The following CSMD1 variants were observed in gnomAD, a reference collection of about 807,000 sequenced individuals.
The protein encoded by CSMD1 is CUB and sushi domain-containing protein 1.
A neutral mutation model predicts 417.5 loss-of-function variants in CSMD1; 213 were observed. That is an observed-to-expected ratio of 0.51 (90% CI 0.46 to 0.57). The LOEUF (loss-of-function observed/expected upper bound fraction) is 0.57. Among genes scored for constraint, CSMD1 ranks in the 20% least tolerant of loss-of-function variants. The probability of loss-of-function intolerance (pLI) is 0.00; values close to 1 mark genes in which losing one functional copy is unlikely to be tolerated. For missense variants in CSMD1, 6,923 were observed against 4,529.7 expected, an observed-to-expected ratio of 1.53 and a Z score of -15.17; for synonymous variants, 2,862 against 1,736.8, an observed-to-expected ratio of 1.65 and a Z score of -16.11.
At position 4,629,705 on chromosome 8, in the gene CSMD1, T is replaced by A. The variant is rs565349577; in HGVS notation, c.302+7637A>T. Among the ~76,000 whole-genome samples the A allele has an allele frequency of 1.4e-3, 214 of 152,286 alleles. 2 individuals carry two copies. The highest frequency in any genetic ancestry group is 2.4e-3 in the Admixed American group (37 of 15,284). ...TTTTCCATATTAATATTTACATTGGTGATCTAACATATTTATTTTGCTACA... is the reference window on the plus strand; with the variant it reads ...TTTTCCATATTAATATTTACATTGGAGATCTAACATATTTATTTTGCTACA... On this transcript the variant is annotated intron_variant, in intron 2 of 69. Coordinates refer to ENST00000635120, the MANE Select transcript of CSMD1 (RefSeq NM_033225.6).
chr8:3,138,921 G>C (rs1470339922), intron 41 of CSMD1, among the ~76,000 whole-genome samples: 1 of 152,204 alleles, frequency 6.6e-6, no homozygotes, highest in African/African-American at 2.4e-5. Flanking sequence ...AAAGAAGAGA[G>C]AAGTTGGAAG....
chr8:4,280,831 C>G (rs1421751740), intron 3 of CSMD1, among the ~76,000 whole-genome samples: 1 of 152,000 alleles, frequency 6.6e-6, no homozygotes, highest in South Asian at 2.1e-4. Context: ...AATTATAAGA[C>G]TTTTATCTTC....
intron 7 of CSMD1, among the ~76,000 whole-genome samples, chr8:3,698,853 A>C (rs1800699196): frequency 6.6e-6 from 1 of 152,198 alleles, no homozygotes; most frequent in African/African-American, 2.4e-5. Context: ...TTCTGAAATA[A>C]AGTTTCTGAG....
intron 12 of CSMD1, among the ~76,000 whole-genome samples, chr8:3,463,133 C>G (rs7006663): frequency 0.064 from 9,731 of 152,222 alleles, 474 homozygotes; most frequent in East Asian, 0.15. Flanking sequence ...AACTCTATCT[C>G]CATATTCTGT....
intron 46 of CSMD1, among the ~76,000 whole-genome samples, chr8:3,100,185 G>A (rs776124868): frequency 2.3e-4 from 35 of 152,038 alleles, no homozygotes; most frequent in South Asian, 4.1e-4. Flanking sequence ...CCGAGTAGCT[G>A]GGACTACAGG....
chr8:4,555,918 G>A (rs1246719799), intron 2 of CSMD1, among the ~76,000 whole-genome samples: 2 of 152,056 alleles, frequency 1.3e-5, no homozygotes, highest in African/African-American at 2.4e-5. Flanking sequence ...TGTAAAATAT[G>A]AAGAAACTTT....
At chr8:4,878,751 A>G (rs1384569275) in intron 1 of CSMD1, among the ~76,000 whole-genome samples, 8 of 151,942 alleles carry the variant, frequency 5.3e-5, no homozygotes, top group African/African-American at 1.9e-4. Flanking sequence ...GAAAACATTC[A>G]CAGTAAATTT....
intron 2 of CSMD1, among the ~76,000 whole-genome samples, chr8:4,517,845 T>G (rs1324807071): frequency 6.6e-6 from 1 of 152,234 alleles, no homozygotes; most frequent in Non-Finnish European, 1.5e-5. Context: ...AGTTGTCAGA[T>G]GCAAAAGCCA....
rs1302290914 is a variant in CSMD1, at chr8:3,308,704, C to A, written c.3632-201G>T. On this transcript the variant is annotated intron_variant, in intron 23 of 69. Transcript: ENST00000635120. ...CATTTGTGATTTCTTGAAGTTCGGT[C>A]ATCTTATTTGTTCCTCCCTACTTAC... Among the ~76,000 whole-genome samples the A allele has an allele frequency of 2.1e-5, 3 of 140,068 alleles. No individual in the cohort carries two copies. In the East Asian group the frequency reaches 6.2e-4, roughly 29 times the overall value. The allele number at this position is 140,068 out of a possible 152,430, so 91.9% of individuals were successfully genotyped here.
chr8:4,459,994 C>T (rs1030500585), intron 2 of CSMD1, among the ~76,000 whole-genome samples: 1 of 152,096 alleles, frequency 6.6e-6, no homozygotes, highest in East Asian at 1.9e-4. Context: ...ACTAGACAAC[C>T]AAAATAGTAC....
intron 42 of CSMD1, among the ~76,000 whole-genome samples, chr8:3,115,847 T>G (rs975993324): frequency 6.6e-6 from 1 of 152,194 alleles, no homozygotes; most frequent in Admixed American, 6.5e-5. Flanking sequence ...TTGTTTAAAG[T>G]ATCTGTGTTT....
At chr8:4,001,938 A>C (rs947930079) in intron 4 of CSMD1, among the ~76,000 whole-genome samples, 2 of 152,220 alleles carry the variant, frequency 1.3e-5, no homozygotes, top group African/African-American at 4.8e-5. Flanking sequence ...GCATTTCTTC[A>C]GTAGATATGT....
At chr8:3,812,020 T>C (rs918395832) in intron 5 of CSMD1, among the ~76,000 whole-genome samples, 3 of 148,018 alleles carry the variant, frequency 2.0e-5, no homozygotes, top group Non-Finnish European at 3.0e-5. Context: ...ACTAATCTTC[T>C]TATGCTTAGT....
rs186113148 is a variant in CSMD1, at chr8:3,352,498, T to A, written c.3305-4337A>T. Among the ~76,000 whole-genome samples, 34 of 152,298 alleles carry A rather than the reference T, an allele frequency of 2.2e-4. No individual in the cohort carries two copies. In the East Asian group the frequency reaches 6.6e-3, roughly 29 times the overall value. On this transcript the variant is annotated intron_variant, in intron 21 of 69. Coordinates refer to ENST00000635120, the MANE Select transcript of CSMD1 (RefSeq NM_033225.6). ...TGATGGGGTACAGGAATTTATCTAA[T>A]TTTGTTTTTGGTCTATTTGTCACTT...
At chr8:4,788,297 A>C in intron 1 of CSMD1, 1 of 1,584,660 alleles carries the variant, frequency 6.3e-7, no homozygotes, top group Non-Finnish European at 8.6e-7. Flanking sequence ...TGGCAGTGGC[A>C]GGCAGAAGTA....
intron 26 of CSMD1, among the ~76,000 whole-genome samples, chr8:3,240,488 G>A (rs1299214110): frequency 1.3e-5 from 2 of 152,074 alleles, no homozygotes; most frequent in Admixed American, 1.3e-4. Context: ...GGCAGGGAGA[G>A]CACGTGTGTT....
At position 3,350,196 on chromosome 8, in the gene CSMD1, ATG is replaced by A. The variant is rs202004304; in HGVS notation, c.3305-2037_3305-2036del. 3.6e-3 allele frequency among the ~76,000 whole-genome samples: 439 copies of A among 121,410 alleles called. 26 individuals are homozygous for A. Among genetic ancestry groups the A allele is most frequent in the African/African-American group, 0.014 (384 of 27,452 alleles). The allele number at this position is 121,410 out of a possible 152,430, so 79.6% of individuals were successfully genotyped here. ...ACCTATAATAACCTATAACTTGTGT[ATG>A]TGTGTGTTATAATACCTATAATAAC... On this transcript the variant is annotated intron_variant, in intron 21 of 69. Coordinates refer to ENST00000635120, the MANE Select transcript of CSMD1 (RefSeq NM_033225.6).
intron 1 of CSMD1, among the ~76,000 whole-genome samples, chr8:4,971,797 A>C (rs937586688): frequency 6.6e-6 from 1 of 151,956 alleles, no homozygotes; most frequent in African/African-American, 2.4e-5. Flanking sequence ...CATTATTATA[A>C]GTAGAAATAT....
At chr8:4,667,606 T>C (rs1228393127) in intron 1 of CSMD1, among the ~76,000 whole-genome samples, 2 of 152,222 alleles carry the variant, frequency 1.3e-5, no homozygotes, top group East Asian at 1.9e-4. Context: ...GAGTACTTTA[T>C]GTATTGGAAC....
Sources: allele counts gnomAD v4.1 joint callset (sites outside exome capture counted in the v4.1 genomes callset), GRCh38; gene constraint gnomAD v4.1.1; transcripts MANE v1.5; gene names NCBI Gene and HGNC (gene_info 2026-07-23, HGNC 2026-07-21).